Variants in TEP1 observed in about 807,000 individuals in gnomAD.
The protein encoded by TEP1 is telomerase protein component 1.
Under a neutral mutation model 306.3 loss-of-function variants are expected in TEP1, and 241 were observed. That is an observed-to-expected ratio of 0.79 (90% CI 0.71 to 0.88). The LOEUF (loss-of-function observed/expected upper bound fraction) is 0.88. Ranked by LOEUF, TEP1 falls within the 40% of genes least tolerant of loss-of-function variation. The pLI is 0.00. For missense variants in TEP1, 3,051 were observed against 3,276.1 expected (o/e 0.93, Z 1.68); for synonymous variants, 1,289 against 1,305.5 (o/e 0.99, Z 0.27).
At position 20,378,507 on chromosome 14, in the gene TEP1, G is replaced by A; in HGVS notation, c.5381C>T (p.Ala1794Val). ...GGACTTGGGGTAGGTGTGCTGGAAG[G>A]CCAGCTGCCCACGGACTGTGTCCCA... ...KLWDTVRGQL[A>V]FQHTYPKSLN... Residue 1794 changes from alanine (A) to valine (V), a missense_variant, in exon 38 of 55, where the codon GCC (alanine) becomes GTC (valine). Ala to Val is a moderately conservative substitution (Grantham distance 64). Transcript: ENST00000262715. 1 of 1,614,216 alleles carries A rather than the reference G, an allele frequency of 6.2e-7. No homozygotes were observed. Among genetic ancestry groups the A allele is most frequent in the East Asian group, 2.2e-5 (1 of 44,888 alleles).
intron 12 of TEP1, 50 bp from the exon 13 acceptor site, chr14:20,391,817 C>T (rs1877753055): frequency 6.3e-6 from 10 of 1,592,010 alleles, no homozygotes; most frequent in Middle Eastern, 1.7e-4. Context: ...TTATCTGCCC[C>T]TTAGAGGCAG....
At position 20,407,923 on chromosome 14, in the gene TEP1, T is replaced by C. The variant is rs199929891; in HGVS notation, c.517A>G (p.Ile173Val). ...GTGGCAGAGATGGATTTCAGGGCTATAGGGCAGGTTGAAAGGTCTAGTCCC... is the reference window on the plus strand; with the variant it reads ...GTGGCAGAGATGGATTTCAGGGCTACAGGGCAGGTTGAAAGGTCTAGTCCC... ...SKGLDLSTCP[I>V]ALKSISATET... Residue 173 changes from isoleucine to valine, a missense_variant, in exon 2 of 55, where the codon ATA becomes GTA. By Grantham distance (29) the Ile-to-Val change is conservative. This residue lies in a region of TEP1 where 1,507 missense variants were observed against 1,550.5 expected (regional missense o/e 0.97). Transcript: ENST00000262715. The C allele has an allele frequency of 8.7e-6, 14 of 1,613,284 alleles. No homozygotes were observed. The African/African-American group carries it at 1.2e-4, about 14-fold the overall frequency.
intron 19 of TEP1, 109 bp from the exon 20 acceptor site, chr14:20,386,304 G>A (rs1877141719): frequency 6.3e-7 from 1 of 1,593,844 alleles, no homozygotes; most frequent in South Asian, 1.1e-5. Flanking sequence ...GTAAAGAAAA[G>A]GTAGGCTGCT....
chr14:20,375,915 TGGGAACCCCGGA>T (rs1885148050), intron 42 of TEP1, 47 bp from the exon 43 acceptor site: 1 of 1,542,562 alleles, frequency 6.5e-7, no homozygotes, highest in African/African-American at 1.4e-5. Context: ...AAAGGAAGGA[TGGGAACCCCGGA>T]GCCATTTCAG....
chr14:20,380,858 T>A (rs1322798860), intron 33 of TEP1, 73 bp downstream of exon 33: 1 of 1,308,552 alleles, frequency 7.6e-7, no homozygotes, highest in East Asian at 2.3e-5. Context: ...GCCCCAACCC[T>A]GAGCAGGGCC....
intron 35 of TEP1, among the ~76,000 whole-genome samples, chr14:20,379,541 C>T (rs1885403702): frequency 6.6e-6 from 1 of 152,232 alleles, no homozygotes; most frequent in Non-Finnish European, 1.5e-5. Context: ...GTTCCTTGTT[C>T]AAACAAGAGT....
At chr14:20,391,923 G>T (rs1319336967) in intron 12 of TEP1, among the ~76,000 whole-genome samples, 156 bp from the exon 13 acceptor site, 1 of 151,738 alleles carries the variant, frequency 6.6e-6, no homozygotes, top group African/African-American at 2.4e-5. Context: ...TGGTGTAGAG[G>T]ACTGGGAGAG....
chr14:20,377,212 T>C, intron 41 of TEP1, 68 bp downstream of exon 41: 1 of 1,274,188 alleles, frequency 7.8e-7, no homozygotes. Context: ...TGAAGCTCTG[T>C]CTTAAAAAAA....
chr14:20,374,181 C>A (rs1392574279), intron 44 of TEP1, among the ~76,000 whole-genome samples: 1 of 151,704 alleles, frequency 6.6e-6, no homozygotes, highest in African/African-American at 2.4e-5. Flanking sequence ...GCCTTGAAAT[C>A]CTGGGCTCAA....
chr14:20,368,451 G>T lies in TEP1; in HGVS notation c.7870C>A (p.Leu2624Met), dbSNP rs777068772. 12 of 1,614,006 alleles carry T rather than the reference G, an allele frequency of 7.4e-6. No individual in the cohort carries two copies. Among genetic ancestry groups the T allele is most frequent in the Non-Finnish European group, 9.3e-6 (11 of 1,180,018 alleles). The stretch of plus-strand genomic sequence containing the variant: ...GTGGCACATCTTCATTCCCAATTCA[G>T]AAAGTACACATTGCCCTGCACGTCT... ...VGDVQGNVYF[L>M]NWE Residue 2624 changes from leucine (L) to methionine (M), a missense_variant, in exon 55 of 55, where the codon CTG (leucine) becomes ATG (methionine). Physicochemically the swap from Leu to Met is conservative, Grantham distance 15. Transcript: ENST00000262715.
At position 20,383,357 on chromosome 14, in the gene TEP1, T is replaced by C. The variant is rs1272520213; in HGVS notation, c.3868-4A>G. On this transcript the variant is annotated splice_region_variant and splice_polypyrimidine_tract_variant and intron_variant, in intron 26 of 54. Transcript: ENST00000262715. The stretch of plus-strand genomic sequence containing the variant: ...CACTCAGCACCAGGTGTACACACTG[T>C]GATATTTGGGCAAAGGGGCAGGAAG... 3 of 1,603,164 alleles carry C rather than the reference T, an allele frequency of 1.9e-6. No individual in the cohort carries two copies. Among genetic ancestry groups the C allele is most frequent in the Non-Finnish European group, 2.6e-6 (3 of 1,173,830 alleles).
rs527904744 is a variant in TEP1 at position 20,382,725 on chromosome 14, C to T, written c.4048-10G>A. ...CCAGCAGCAGTCGCATCTGGCAAGACTCAGGACTCAGGGTGGGGTCCAGGA... is the reference window on the plus strand; with the variant it reads ...CCAGCAGCAGTCGCATCTGGCAAGATTCAGGACTCAGGGTGGGGTCCAGGA... On this transcript the variant is annotated splice_polypyrimidine_tract_variant and intron_variant, in intron 27 of 54. Coordinates refer to ENST00000262715, the MANE Select transcript of TEP1 (RefSeq NM_007110.5). 1.2e-6 allele frequency: 2 copies of T among 1,613,938 alleles called. No homozygotes were observed. Among genetic ancestry groups the T allele is most frequent in the African/African-American group, 2.7e-5 (2 of 75,056 alleles).
chr14:20,398,805 T>C (rs1878433764), intron 9 of TEP1, among the ~76,000 whole-genome samples: 1 of 152,184 alleles, frequency 6.6e-6, no homozygotes, highest in African/African-American at 2.4e-5. Context: ...CTTCATCAGG[T>C]AAATGCTGCT....
rs746588098 is a variant in TEP1, at chr14:20,383,489, C to T, written c.3866G>A (p.Arg1289Gln). 1.1e-5 allele frequency: 17 copies of T among 1,614,152 alleles called. No individual in the cohort carries two copies. The highest frequency in any genetic ancestry group is 1.3e-5 in the Non-Finnish European group (15 of 1,179,994). ...ISDWIPKKLP[R>Q]CVHLVLSVSS... Reference sequence around the variant, plus strand: ...CACCCACCTCCTTCTCACACTCACCCGGGGAAGCTTCTTTGGGATCCAGTC... The same window carrying T: ...CACCCACCTCCTTCTCACACTCACCTGGGGAAGCTTCTTTGGGATCCAGTC... Residue 1289 changes from arginine to glutamine, a missense_variant and splice_region_variant, in exon 26 of 55, where the codon CGG becomes CAG. Transcript: ENST00000262715.
intron 10 of TEP1, 92 bp from the exon 11 acceptor site, chr14:20,396,041 C>T (rs1878178959): frequency 6.0e-6 from 5 of 832,290 alleles, no homozygotes; most frequent in Non-Finnish European, 7.6e-6. Context: ...TGGGAAGGTA[C>T]AGAAGGACAA....
rs746761827 is a variant in TEP1 at position 20,376,103 on chromosome 14, C to T, written c.6249+1G>A. On this transcript the variant is annotated splice_donor_variant, in intron 42 of 54. Transcript: ENST00000262715. LOFTEE classifies it high-confidence loss of function. ...CAGGGTTGCATCCTTCTGCAGCTCA[C>T]CCGATCCCGGCCCCCGGTGGCCAGG... 3.1e-6 allele frequency: 5 copies of T among 1,613,520 alleles called. No individual in the cohort carries two copies. The South Asian group carries it at 5.5e-5, about 18-fold the overall frequency.
chr14:20,372,326 T>C (rs1884886422), intron 49 of TEP1, among the ~76,000 whole-genome samples: 1 of 151,778 alleles, frequency 6.6e-6, no homozygotes, highest in Non-Finnish European at 1.5e-5. Flanking sequence ...TACCAACTCC[T>C]TCCCACAATT....
At chr14:20,386,892 G>A (rs1327110095) in intron 18 of TEP1, among the ~76,000 whole-genome samples, 1 of 151,930 alleles carries the variant, frequency 6.6e-6, no homozygotes, top group Non-Finnish European at 1.5e-5. Flanking sequence ...AGCACTGTGA[G>A]GTAAGCACTA....
Position 20,375,760 on chromosome 14 carries a change from G to C in TEP1, c.6358C>G (p.Leu2120Val). 1 of 1,612,254 alleles carries C rather than the reference G, an allele frequency of 6.2e-7. No homozygotes were observed. The highest frequency in any genetic ancestry group is 8.5e-7 in the Non-Finnish European group (1 of 1,178,906). ...ACCCCTGGCCCTTTACTCACCAGTAGGTTATCTTTGGTCCAGGCACAGCCA... is the reference window on the plus strand; with the variant it reads ...ACCCCTGGCCCTTTACTCACCAGTACGTTATCTTTGGTCCAGGCACAGCCA... ...VTGCAWTKDN[L>V]LISCSSDGSV... Residue 2120 changes from leucine (L) to valine (V), a missense_variant, in exon 43 of 55, where the codon CTA becomes GTA. Leu to Val is a conservative substitution (Grantham distance 32). Transcript: ENST00000262715.
Sources: gnomAD v4.1 joint callset for allele counts (sites outside exome capture counted in the v4.1 genomes callset) on GRCh38, gnomAD v4.1.1 for gene constraint, gnomAD v4.1.1 regional missense constraint, MANE v1.5 for transcripts, NCBI Gene and HGNC (gene_info 2026-07-23, HGNC 2026-07-21) for gene names.